AFG3L2: variants seen among roughly 807,000 people sequenced by gnomAD.
The protein encoded by AFG3L2 is AFG3 like matrix AAA peptidase subunit 2, also known as mitochondrial inner membrane m-AAA protease component AFG3L2.
AFG3L2 carries 54 observed loss-of-function variants against 94.5 expected under a neutral mutation model. The observed-to-expected ratio is 0.57, with a 90% CI of 0.46 to 0.72. AFG3L2 has a LOEUF of 0.72. Among genes scored for constraint, AFG3L2 ranks in the 30% least tolerant of loss-of-function variants. AFG3L2 has a pLI of 0.00. For synonymous variants in AFG3L2, 377 were observed against 365.5 expected (o/e 1.03, Z -0.36); for missense variants, 754 against 994.9 (o/e 0.76, Z 3.26).
At chr18:12,338,489 G>A (rs895220687) in intron 15 of AFG3L2, among the ~76,000 whole-genome samples, 3 of 152,244 alleles carry the variant, frequency 2.0e-5, no homozygotes, top group Admixed American at 1.3e-4. Context: ...CACCACAAAG[G>A]AGGAGGCTTC....
chr18:12,371,725 T>C (rs1908998031), intron 1 of AFG3L2, 34 bp from the exon 2 acceptor site: 2 of 1,577,812 alleles, frequency 1.3e-6, no homozygotes, highest in Non-Finnish European at 1.7e-6. Context: ...ACCATAGTTA[T>C]ATCAAGATAA....
chr18:12,343,196 G>A (rs1908009929), intron 14 of AFG3L2: 1 of 152,162 alleles, frequency 6.6e-6, no homozygotes, highest in African/African-American at 2.4e-5. Context: ...AGATGCTACT[G>A]AAATTGCTAA....
intron 5 of AFG3L2, among the ~76,000 whole-genome samples, chr18:12,366,078 A>G (rs934989682): frequency 3.3e-5 from 5 of 151,940 alleles, no homozygotes; most frequent in Non-Finnish European, 7.4e-5. Context: ...GGGTTTCACC[A>G]TGTTAGCCAG....
chr18:12,330,248 C>T (rs920349158), intron 16 of AFG3L2, among the ~76,000 whole-genome samples: 1 of 152,056 alleles, frequency 6.6e-6, no homozygotes, highest in African/African-American at 2.4e-5. Context: ...ATCACTTGAA[C>T]CCGGGAGGCG....
At chr18:12,333,046 T>TTATATAAC (rs374547027) in intron 16 of AFG3L2, among the ~76,000 whole-genome samples, 1,374 of 10,344 alleles carry the variant, frequency 0.13, 58 homozygotes, top group Middle Eastern at 0.5. Context: ...ATATAATCTA[T>TTATATAAC]TATATAATAG....
At chr18:12,344,308 C>T in intron 13 of AFG3L2, 61 bp from the exon 14 acceptor site, 2 of 1,312,228 alleles carry the variant, frequency 1.5e-6, no homozygotes, top group South Asian at 1.2e-5. Context: ...CATTAAAAGA[C>T]AGTTATACAG....
chr18:12,364,958 C>T (rs933220072), intron 5 of AFG3L2, among the ~76,000 whole-genome samples: 2 of 152,218 alleles, frequency 1.3e-5, no homozygotes, highest in Admixed American at 1.3e-4. Context: ...GTGTGAGCCA[C>T]CACGGCCAGC....
intron 3 of AFG3L2, among the ~76,000 whole-genome samples, chr18:12,369,694 C>T (rs1197547009): frequency 2.0e-5 from 3 of 147,146 alleles, no homozygotes; most frequent in Admixed American, 6.8e-5. Flanking sequence ...CCAGCCTGGG[C>T]GACAGAGACC....
chr18:12,331,487 A>G (rs1907522333), intron 16 of AFG3L2, among the ~76,000 whole-genome samples: 1 of 152,194 alleles, frequency 6.6e-6, no homozygotes, highest in African/African-American at 2.4e-5. Context: ...TACTTTGTCT[A>G]AAGTTTCTTT....
intron 15 of AFG3L2, among the ~76,000 whole-genome samples, chr18:12,339,371 G>A (rs988598868): frequency 2.0e-5 from 3 of 151,576 alleles, no homozygotes; most frequent in African/African-American, 7.3e-5. Context: ...TGACCAACAT[G>A]GAGAAACCCC....
Position 12,377,037 on chromosome 18 carries a change from G to C in AFG3L2, c.46C>G (p.Pro16Ala). Residue 16 changes from proline (P) to alanine (A), a missense_variant, in exon 1 of 17, where the codon CCC becomes GCC. Physicochemically the swap from Pro to Ala is conservative, Grantham distance 27 (BLOSUM62 -1). Transcript: ENST00000269143. ...LRLWGRGGCW[P>A]RGLQQLLVPG... ...ACGAGGAGCTGCTGTAGGCCGCGGG[G>C]CCAGCAGCCGCCCCGGCCCCACAGC... The C allele has an allele frequency of 6.9e-7, 1 of 1,439,452 alleles. No individual in the cohort carries two copies. Among genetic ancestry groups the C allele is most frequent in the Non-Finnish European group, 9.1e-7 (1 of 1,098,340 alleles). The allele number at this position is 1,439,452 out of a possible 1,614,324, so 89.2% of individuals were successfully genotyped here.
At chr18:12,353,235 C>A in intron 9 of AFG3L2, 77 bp from the exon 10 acceptor site, 1 of 1,564,936 alleles carries the variant, frequency 6.4e-7, no homozygotes, top group Non-Finnish European at 8.7e-7. Flanking sequence ...AATAAATCGG[C>A]CGGGCACAGT....
intron 13 of AFG3L2, among the ~76,000 whole-genome samples, chr18:12,345,843 T>C (rs1409774444): frequency 1.3e-5 from 2 of 152,214 alleles, no homozygotes; most frequent in African/African-American, 2.4e-5. Flanking sequence ...CATCTGAGGT[T>C]TACCTTTTCA....
chr18:12,358,130 G>A (rs1908549912), intron 8 of AFG3L2, among the ~76,000 whole-genome samples: 1 of 152,186 alleles, frequency 6.6e-6, no homozygotes, highest in Admixed American at 6.5e-5. Context: ...TAACAAATAT[G>A]AAGTTAATGC....
chr18:12,351,009 A>G, intron 12 of AFG3L2, 76 bp downstream of exon 12: 5 of 1,586,300 alleles, frequency 3.2e-6, no homozygotes, highest in Admixed American at 1.7e-5. Flanking sequence ...AAAAGGTAAG[A>G]AAGTAAACCG....
At position 12,356,841 on chromosome 18, in the gene AFG3L2, T is replaced by C; in HGVS notation, c.1027-10A>G. ...CAGTGAGAATGGCACCCTTCAGATATGAAAAAAGAAATTACATTTAATGAG... is the reference window on the plus strand; with the variant it reads ...CAGTGAGAATGGCACCCTTCAGATACGAAAAAAGAAATTACATTTAATGAG... On this transcript the variant is annotated splice_polypyrimidine_tract_variant and intron_variant, in intron 8 of 16. Coordinates refer to ENST00000269143, the MANE Select transcript of AFG3L2 (RefSeq NM_006796.3). 1.2e-6 allele frequency: 2 copies of C among 1,613,478 alleles called. No individual in the cohort carries two copies. Among genetic ancestry groups the C allele is most frequent in the South Asian group, 1.1e-5 (1 of 91,020 alleles).
At chr18:12,344,464 G>C (rs113570435) in intron 13 of AFG3L2, 104 of 520,618 alleles carry the variant, frequency 2.0e-4, no homozygotes, top group East Asian at 3.0e-4. Context: ...CACTTGAGGT[G>C]AGGAGTTCGA....
Position 12,361,702 on chromosome 18 carries a change from T to C in AFG3L2, c.628-1651A>G, listed in dbSNP as rs184463095. ...GAGAGCAACAAGTCATCGCATATCC[T>C]TCCAACCAGTGTTACTGAGTGAGGA... is the stretch of plus-strand genomic sequence containing the variant. On this transcript the variant is annotated intron_variant, in intron 6 of 16. Transcript: ENST00000269143. Among the ~76,000 whole-genome samples the C allele has an allele frequency of 7.0e-3, 1,060 of 152,322 alleles. 7 individuals carry two copies. The highest frequency in any genetic ancestry group is 8.6e-3 in the Non-Finnish European group (586 of 68,020).
intron 8 of AFG3L2, 82 bp downstream of exon 8, chr18:12,358,588 T>C: frequency 6.7e-7 from 1 of 1,495,890 alleles, no homozygotes; most frequent in Non-Finnish European, 9.1e-7. Flanking sequence ...CAGCTATCTA[T>C]AATAAGTAAT....
Sources: gnomAD v4.1 joint callset for allele counts (sites outside exome capture counted in the v4.1 genomes callset) on GRCh38, gnomAD v4.1.1 for gene constraint, MANE v1.5 for transcripts, NCBI Gene and HGNC (gene_info 2026-07-23, HGNC 2026-07-21) for gene names.